Variants in RRBP1 observed in about 807,000 individuals in gnomAD.
The protein encoded by RRBP1 is ribosome binding protein 1, also known as ribosome-binding protein 1.
RRBP1 carries 94 observed loss-of-function variants against 165.2 expected under a neutral mutation model. That is an observed-to-expected ratio of 0.57 (90% CI 0.48 to 0.68). The LOEUF (loss-of-function observed/expected upper bound fraction) is 0.68, where lower values mean the gene tolerates loss of function less well. Among genes scored for constraint, RRBP1 ranks in the 30% least tolerant of loss-of-function variants. The probability of loss-of-function intolerance (pLI) is 0.00; values close to 1 mark genes in which losing one functional copy is unlikely to be tolerated. For missense variants in RRBP1, 1,676 were observed against 1,763.0 expected, an observed-to-expected ratio of 0.95 and a Z score of 0.88; for synonymous variants, 680 against 714.5, an observed-to-expected ratio of 0.95 and a Z score of 0.77.
At position 17,615,417 on chromosome 20, in the gene RRBP1, C is replaced by G. The variant is rs781745398; in HGVS notation, c.4050+14G>C. 9 of 1,601,446 alleles carry G rather than the reference C, an allele frequency of 5.6e-6. No homozygotes were observed. The highest frequency in any genetic ancestry group is 7.7e-6 in the Non-Finnish European group (9 of 1,172,988). ...GACCCTCCAGGTGTGACCCCCGCCCCAGCCCCTGCCTGCCTTCAGCTGTGA... is the reference window on the plus strand; with the variant it reads ...GACCCTCCAGGTGTGACCCCCGCCCGAGCCCCTGCCTGCCTTCAGCTGTGA... On this transcript the variant is annotated intron_variant, in intron 23 of 24. Coordinates refer to ENST00000377813, the MANE Select transcript of RRBP1 (RefSeq NM_001365613.2).
chr20:17,661,174 T>C (rs2036759508), intron 2 of RRBP1, among the ~76,000 whole-genome samples: 1 of 152,206 alleles, frequency 6.6e-6, no homozygotes, highest in Non-Finnish European at 1.5e-5. Context: ...ACTCTGTTGT[T>C]TCCCTCTTCC....
chr20:17,665,718 G>A (rs1188293060), intron 2 of RRBP1, among the ~76,000 whole-genome samples: 1 of 152,186 alleles, frequency 6.6e-6, no homozygotes, highest in East Asian at 1.9e-4. Context: ...CCATATGAGT[G>A]AAAAATCTCC....
intron 6 of RRBP1, 75 bp downstream of exon 6, chr20:17,636,502 C>A: frequency 6.5e-7 from 1 of 1,548,298 alleles, no homozygotes; most frequent in Non-Finnish European, 8.8e-7. Context: ...CCCTTTGGGC[C>A]TCTCTGGCTC....
At chr20:17,614,271 A>G (rs926409421) in intron 24 of RRBP1, 51 bp from the exon 25 acceptor site, 4 of 1,581,202 alleles carry the variant, frequency 2.5e-6, no homozygotes, top group Non-Finnish European at 3.5e-6. Context: ...GAGCCATGGC[A>G]GAACCACCTG....
intron 14 of RRBP1, 33 bp downstream of exon 14, chr20:17,621,822 G>A (rs1449361943): frequency 6.2e-7 from 1 of 1,612,072 alleles, no homozygotes; most frequent in East Asian, 2.2e-5. Context: ...CCTGAGAACT[G>A]TGAGGTCCCC....
chr20:17,614,680 C>G (rs1268703212), intron 24 of RRBP1, 57 bp downstream of exon 24: 2 of 1,597,070 alleles, frequency 1.3e-6, no homozygotes, highest in African/African-American at 2.7e-5. Context: ...GGTCCTGCCT[C>G]CCCGGGGCTC....
intron 3 of RRBP1, among the ~76,000 whole-genome samples, chr20:17,646,551 C>T (rs1470770924): frequency 6.6e-6 from 1 of 152,216 alleles, no homozygotes; most frequent in Admixed American, 6.5e-5. Context: ...GTTCCCCTCA[C>T]AGCGTGGCTG....
In RRBP1 at chr20:17,621,676, G is replaced by C; in HGVS notation, c.3324+14C>G. 6.2e-7 allele frequency: 1 copy of C among 1,612,520 alleles called. No individual in the cohort carries two copies. Among genetic ancestry groups the C allele is most frequent in the Non-Finnish European group, 8.5e-7 (1 of 1,179,270 alleles). On this transcript the variant is annotated intron_variant, in intron 15 of 24. Transcript: ENST00000377813. ...GAGCCCAACAGAGGAGCCTTGCCAG[G>C]CAGCCACACTTACCGAGGAGGGCTC...
At chr20:17,681,425 C>T (rs1156883831) in intron 1 of RRBP1, among the ~76,000 whole-genome samples, 3 of 146,946 alleles carry the variant, frequency 2.0e-5, no homozygotes, top group African/African-American at 7.4e-5. Flanking sequence ...CCCGCCCCGT[C>T]GGGGGCCGTC....
intron 3 of RRBP1, among the ~76,000 whole-genome samples, chr20:17,656,810 A>G (rs2036653641): frequency 6.6e-6 from 1 of 152,230 alleles, no homozygotes; most frequent in Admixed American, 6.5e-5. Context: ...TAACTTGAAA[A>G]TTACTATCCT....
chr20:17,676,251 A>AGGCAGAAGT, intron 2 of RRBP1, among the ~76,000 whole-genome samples: 1 of 152,268 alleles, frequency 6.6e-6, no homozygotes, highest in Admixed American at 6.5e-5. Context: ...ACCAGGGAGA[A>AGGCAGAAGT]GGCAGAAGTG....
chr20:17,629,882 C>T lies in RRBP1; in HGVS notation c.2690G>A (p.Ser897Asn). Reference protein sequence around the residue: ...VSRELCHTQSSHASLRADAEK... With the variant: ...VSRELCHTQSNHASLRADAEK... ...GGCATCCGCCCGGAGGCTGGCGTGG[C>T]TGCTCTGCGTGTGGCACAGCTCCCG... Residue 897 changes from serine (S) to asparagine (N), a missense_variant, in exon 9 of 25, where the codon AGC becomes AAC. Ser to Asn is a conservative substitution (Grantham distance 46). Transcript: ENST00000377813. The T allele has an allele frequency of 1.2e-6, 2 of 1,600,414 alleles. No individual in the cohort carries two copies. Among genetic ancestry groups the T allele is most frequent in the Non-Finnish European group, 8.5e-7 (1 of 1,179,548 alleles).
chr20:17,621,766 G>A lies in RRBP1; in HGVS notation c.3248C>T (p.Thr1083Ile), dbSNP rs777895738. The part of the protein sequence containing the change: ...ELSVLAQQNY[T>I]EWLQDLKEKG... ...CTCTTTGAGATCCTGCAGCCACTCGGTGTAATTCTGCAATGAAACACATTC... is the reference window on the plus strand; with the variant it reads ...CTCTTTGAGATCCTGCAGCCACTCGATGTAATTCTGCAATGAAACACATTC... The change falls in exon 15 of 25, where the codon ACC (threonine) becomes ATC (isoleucine). Residue 1083 changes from threonine to isoleucine, a missense_variant. Thr to Ile is a moderately conservative substitution (Grantham distance 89). Transcript: ENST00000377813. 28 of 1,613,848 alleles carry A rather than the reference G, an allele frequency of 1.7e-5. No homozygotes were observed. The highest frequency in any genetic ancestry group is 4.0e-5 in the African/African-American group (3 of 74,932).
chr20:17,616,926 G>A (rs562082122), intron 20 of RRBP1, 87 bp from the exon 21 acceptor site: 23 of 1,077,618 alleles, frequency 2.1e-5, no homozygotes, highest in East Asian at 1.9e-4. Context: ...TCGGAGGACC[G>A]TAGCTGCTCT....
rs748993600 is a variant in RRBP1 at position 17,642,304 on chromosome 20, C to G, written c.2062-385G>C. On this transcript the variant is annotated intron_variant, in intron 4 of 24. Transcript: ENST00000377813. Reference sequence around the variant, plus strand: ...GGCCGGGTACTCTGAGGACAGTGACCTGAGGAGAGCCAGGCCTCTCCCTGG... The same window carrying G: ...GGCCGGGTACTCTGAGGACAGTGACGTGAGGAGAGCCAGGCCTCTCCCTGG... 3.0e-3 allele frequency among the ~76,000 whole-genome samples: 463 copies of G among 152,316 alleles called. 3 individuals carry two copies. Among genetic ancestry groups the G allele is most frequent in the Non-Finnish European group, 1.1e-3 (78 of 68,024 alleles).
chr20:17,652,395 C>T (rs1056486128), intron 3 of RRBP1, among the ~76,000 whole-genome samples: 11 of 152,162 alleles, frequency 7.2e-5, no homozygotes, highest in Non-Finnish European at 1.3e-4. Flanking sequence ...CCATATGGGA[C>T]AGCACAGCCC....
At chr20:17,646,250 G>A (rs557709167) in intron 3 of RRBP1, among the ~76,000 whole-genome samples, 6 of 152,316 alleles carry the variant, frequency 3.9e-5, no homozygotes, top group East Asian at 3.9e-4. Flanking sequence ...GCCTGGAAAC[G>A]AGATTTTTAA....
In RRBP1 at chr20:17,659,690, TC is replaced by T; in HGVS notation, c.817del (p.Asp273IlefsTer30). 6.4e-7 allele frequency: 1 copy of T among 1,550,548 alleles called. No homozygotes were observed. Among genetic ancestry groups the T allele is most frequent in the Non-Finnish European group, 8.7e-7 (1 of 1,146,972 alleles). ...EGAQNQGKKV[D>X]TTPNQGKKVE... ...CTTTTTCCCCTGGTTTGGGGTTGTA[TC>T]TACCTTTTTACCCTGGTTCTGGGCC... On this transcript the variant is annotated frameshift_variant, in exon 3 of 25. Transcript: ENST00000377813. LOFTEE classifies it high-confidence loss of function.
chr20:17,658,081 C>T lies in RRBP1; in HGVS notation c.1912+515G>A, dbSNP rs967925196. Among the ~76,000 whole-genome samples the T allele has an allele frequency of 3.3e-5, 5 of 152,294 alleles. No individual in the cohort carries two copies. In the East Asian group the frequency reaches 9.6e-4, roughly 29 times the overall value. ...AATTCCTCACCTCTCCTTGTGCTCC[C>T]ATATGTTTAAGACATGCCAAGACAC... is the stretch of plus-strand genomic sequence containing the variant. On this transcript the variant is annotated intron_variant, in intron 3 of 24. Transcript: ENST00000377813.
Sources: allele counts gnomAD v4.1 joint callset (sites outside exome capture counted in the v4.1 genomes callset), GRCh38; gene constraint gnomAD v4.1.1; transcripts MANE v1.5; gene names NCBI Gene and HGNC (gene_info 2026-07-23, HGNC 2026-07-21).